The following ZC3HAV1 variants were observed in gnomAD, a reference collection of about 807,000 sequenced individuals.
ZC3HAV1 encodes the protein zinc finger CCCH-type antiviral protein 1.
A neutral mutation model predicts 86.6 loss-of-function variants in ZC3HAV1; 41 were observed. That is an observed-to-expected ratio of 0.47 (90% CI 0.37 to 0.61). The LOEUF (loss-of-function observed/expected upper bound fraction) is 0.61, where lower values mean the gene tolerates loss of function less well. Among genes scored for constraint, ZC3HAV1 ranks in the 20% least tolerant of loss-of-function variants. The pLI is 0.00. For synonymous variants in ZC3HAV1, 421 were observed against 432.1 expected (o/e 0.97, Z 0.32); for missense variants, 964 against 1,141.1 (o/e 0.84, Z 2.24).
At chr7:139,096,259 C>T (rs890035664) in intron 1 of ZC3HAV1, among the ~76,000 whole-genome samples, 3 of 152,118 alleles carry the variant, frequency 2.0e-5, no homozygotes, top group Non-Finnish European at 2.9e-5. Context: ...GGTGATCCAC[C>T]CGTCTCAGCC....
chr7:139,108,930 C>A lies in ZC3HAV1; in HGVS notation c.308+94G>T. On this transcript the variant is annotated intron_variant, in intron 1 of 12. Coordinates refer to ENST00000242351, the MANE Select transcript of ZC3HAV1 (RefSeq NM_020119.4). This position sits in a 1 kb window ranked among gnomAD's most constrained non-coding sequence, Gnocchi z 4.2. ...GCGGAGGCTGTCAGGTGCGGGGTCCCGGCGAAGCCGTGCCCCTCCCAGAAC... is the reference window on the plus strand; with the variant it reads ...GCGGAGGCTGTCAGGTGCGGGGTCCAGGCGAAGCCGTGCCCCTCCCAGAAC... 1.4e-6 allele frequency: 2 copies of A among 1,426,206 alleles called. No homozygotes were observed. Among genetic ancestry groups the A allele is most frequent in the South Asian group, 1.5e-5 (1 of 68,578 alleles). The allele number at this position is 1,426,206 out of a possible 1,614,324, so 88.3% of individuals were successfully genotyped here.
intron 1 of ZC3HAV1, among the ~76,000 whole-genome samples, chr7:139,091,913 T>G (rs181483711): frequency 7.2e-5 from 11 of 152,258 alleles, no homozygotes; most frequent in African/African-American, 2.6e-4. Context: ...TCGAGACGAA[T>G]TAGGAGTCCG....
intron 1 of ZC3HAV1, among the ~76,000 whole-genome samples, chr7:139,105,646 AAAT>A (rs1242035146): frequency 6.6e-6 from 1 of 152,228 alleles, no homozygotes; most frequent in Non-Finnish European, 1.5e-5. Flanking sequence ...TCCTATCTAT[AAAT>A]AATAGTACCA....
intron 9 of ZC3HAV1, 126 bp from the exon 10 acceptor site, chr7:139,055,421 T>G: frequency 1.5e-6 from 1 of 676,232 alleles, no homozygotes; most frequent in Admixed American, 3.2e-5. Context: ...TTCTGTATTT[T>G]TCTCTGGACT....
At chr7:139,047,941 T>C (rs1319783643) in intron 12 of ZC3HAV1, 88 bp from the exon 13 acceptor site, 43 of 1,351,762 alleles carry the variant, frequency 3.2e-5, no homozygotes, top group African/African-American at 1.5e-5. Flanking sequence ...CAGATGGGTG[T>C]GGACTAAGCA....
rs1416972936 is a variant in ZC3HAV1, at chr7:139,043,856, G to A, written c.*3738C>T. ...ACCTATTCTGTAGAAGGACTCCTTA[G>A]GAAAGTAACAGTTGAGCCAATCTAA... On this transcript the variant is annotated 3_prime_UTR_variant, in exon 13 of 13. Transcript: ENST00000242351. 6.6e-6 allele frequency: 1 copy of A among 152,174 alleles called. No homozygotes were observed. The highest frequency in any genetic ancestry group is 2.4e-5 in the African/African-American group (1 of 41,430). The allele number at this position is 152,174 out of a possible 1,614,324, so 9.4% of individuals were successfully genotyped here.
chr7:139,101,191 T>C (rs955660657), intron 1 of ZC3HAV1, among the ~76,000 whole-genome samples: 1 of 151,850 alleles, frequency 6.6e-6, no homozygotes, highest in Non-Finnish European at 1.5e-5. Context: ...CTCGGCTAGC[T>C]ACAACCTCCA....
intron 8 of ZC3HAV1, among the ~76,000 whole-genome samples, chr7:139,061,814 T>C (rs1339001516): frequency 6.6e-6 from 1 of 152,222 alleles, no homozygotes; most frequent in Non-Finnish European, 1.5e-5. Flanking sequence ...AGAAATAACC[T>C]AAGTGTCCAT....
intron 1 of ZC3HAV1, among the ~76,000 whole-genome samples, chr7:139,094,484 G>A (rs575051496): frequency 3.1e-4 from 46 of 147,014 alleles, no homozygotes; most frequent in African/African-American, 1.2e-3. Flanking sequence ...AGTTGCAGTA[G>A]GAGGTGATAA....
intron 4 of ZC3HAV1, chr7:139,078,973 C>T: frequency 7.7e-7 from 1 of 1,298,250 alleles, no homozygotes; most frequent in Non-Finnish European, 1.0e-6. Context: ...CTCACCAGAC[C>T]ACCCCATAAC....
Position 139,053,439 on chromosome 7 carries a change from C to G in ZC3HAV1, c.2449+12G>C, listed in dbSNP as rs983228650. 1 of 1,571,580 alleles carries G rather than the reference C, an allele frequency of 6.4e-7. No individual in the cohort carries two copies. Among genetic ancestry groups the G allele is most frequent in the Admixed American group, 1.9e-5 (1 of 51,286 alleles). On this transcript the variant is annotated intron_variant, in intron 12 of 12. Transcript: ENST00000242351. ...GACTCTACTAGTTACGCTTCTCTAT[C>G]CCGGCACTAACCTTTTCCGTATTTG...
rs756401135 is a variant in ZC3HAV1 at position 139,080,068 on chromosome 7, G to A, written c.873C>T (p.Asp291=). Residue 291 remains aspartate (D), a synonymous_variant, in exon 4 of 13, where the codon GAC becomes GAT. Coordinates refer to ENST00000242351, the MANE Select transcript of ZC3HAV1 (RefSeq NM_020119.4). Reference sequence around the variant, plus strand: ...GATACGTGAACTTGCGGGTGAGATCGTCCACAGGCGCGTCCTCCAGGGAAG... The same window carrying A: ...GATACGTGAACTTGCGGGTGAGATCATCCACAGGCGCGTCCTCCAGGGAAG... The part of the protein sequence containing the change: ...HRASLEDAPV[D]DLTRKFTYLG... 17 of 1,614,010 alleles carry A rather than the reference G, an allele frequency of 1.1e-5. No homozygotes were observed. The highest frequency in any genetic ancestry group is 2.2e-5 in the East Asian group (1 of 44,880).
intron 1 of ZC3HAV1, among the ~76,000 whole-genome samples, chr7:139,095,252 TC>T (rs1817551015): frequency 6.6e-6 from 1 of 152,160 alleles, no homozygotes; most frequent in South Asian, 2.1e-4. Context: ...GCCACGAGGC[TC>T]CTACTCCCCA....
intron 1 of ZC3HAV1, among the ~76,000 whole-genome samples, chr7:139,102,224 C>T (rs555836420): frequency 5.9e-5 from 9 of 152,254 alleles, no homozygotes; most frequent in Non-Finnish European, 1.3e-4. Flanking sequence ...GCCTTGTCCT[C>T]CCAGGCTCAA....
chr7:139,103,767 G>A (rs1817845866), intron 1 of ZC3HAV1, among the ~76,000 whole-genome samples: 1 of 152,072 alleles, frequency 6.6e-6, no homozygotes, highest in Admixed American at 6.5e-5. Flanking sequence ...ACTGAACTGT[G>A]GTATAAATCC....
At chr7:139,081,822 C>A (rs1209277515) in intron 3 of ZC3HAV1, among the ~76,000 whole-genome samples, 1 of 152,138 alleles carries the variant, frequency 6.6e-6, no homozygotes, top group Non-Finnish European at 1.5e-5. Flanking sequence ...AACCATTTCC[C>A]AAATATAAGG....
chr7:139,069,551 T>C (rs765344319), intron 7 of ZC3HAV1, among the ~76,000 whole-genome samples: 12 of 152,082 alleles, frequency 7.9e-5, no homozygotes, highest in Non-Finnish European at 1.8e-4. Flanking sequence ...ACTCCCAGGC[T>C]CTACCCTCCT....
Position 139,064,994 on chromosome 7 carries a change from G to A in ZC3HAV1, c.1878C>T (p.Asp626=), listed in dbSNP as rs144586387. Residue 626 remains aspartate (D), a synonymous_variant, in exon 8 of 13, where the codon GAC becomes GAT. Coordinates refer to ENST00000242351, the MANE Select transcript of ZC3HAV1 (RefSeq NM_020119.4). ...GTWIQYGEEK[D]KRKNSNVDSS... Reference sequence around the variant, plus strand: ...AGTCGACGTTTGAATTTTTCCGTTTGTCTTTCTAATTGGAAAAAAAATAAA... The same window carrying A: ...AGTCGACGTTTGAATTTTTCCGTTTATCTTTCTAATTGGAAAAAAAATAAA... 25 of 1,613,750 alleles carry A rather than the reference G, an allele frequency of 1.5e-5. No homozygotes were observed. The highest frequency in any genetic ancestry group is 3.3e-5 in the Admixed American group (2 of 59,912).
At chr7:139,066,744 G>T (rs779108595) in intron 7 of ZC3HAV1, among the ~76,000 whole-genome samples, 1 of 152,092 alleles carries the variant, frequency 6.6e-6, no homozygotes, top group Non-Finnish European at 1.5e-5. Context: ...CTAGCACCTT[G>T]GTATCCCCTG....
Sources: allele counts gnomAD v4.1 joint callset (sites outside exome capture counted in the v4.1 genomes callset), GRCh38; gene constraint gnomAD v4.1.1; non-coding constraint Gnocchi (gnomAD v3.1); transcripts MANE v1.5; gene names NCBI Gene and HGNC (gene_info 2026-07-23, HGNC 2026-07-21).